SCMH1: variants seen among roughly 807,000 people sequenced by gnomAD.
SCMH1 encodes polycomb protein SCMH1.
A neutral mutation model predicts 70.8 loss-of-function variants in SCMH1; 37 were observed. The observed-to-expected ratio is 0.52, with a 90% CI of 0.40 to 0.69. The LOEUF is 0.69. Among genes scored for constraint, SCMH1 ranks in the 30% least tolerant of loss-of-function variants. The probability of loss-of-function intolerance (pLI) is 0.00; values close to 1 mark genes in which losing one functional copy is unlikely to be tolerated. For synonymous variants in SCMH1, 292 were observed against 307.4 expected, an observed-to-expected ratio of 0.95 and a Z score of 0.52; for missense variants, 607 against 827.3, an observed-to-expected ratio of 0.73 and a Z score of 3.27.
chr1:41,089,522 G>T (rs1234768841), intron 8 of SCMH1, among the ~76,000 whole-genome samples: 1 of 151,994 alleles, frequency 6.6e-6, no homozygotes, highest in East Asian at 1.9e-4. Context: ...CTCTAACCTG[G>T]GTTTTTACAA....
At chr1:41,132,306 G>A (rs1354795310) in intron 6 of SCMH1, among the ~76,000 whole-genome samples, 1 of 152,186 alleles carries the variant, frequency 6.6e-6, no homozygotes, top group African/African-American at 2.4e-5. Flanking sequence ...CAGTGATGAT[G>A]AGCATTTTTT....
chr1:41,207,212 G>A (rs1334826328), intron 1 of SCMH1, among the ~76,000 whole-genome samples: 2 of 152,062 alleles, frequency 1.3e-5, no homozygotes, highest in African/African-American at 4.8e-5. Context: ...ATGTAAATGG[G>A]CTAAATGCCC....
At chr1:41,168,793 C>G (rs1646592304) in intron 2 of SCMH1, among the ~76,000 whole-genome samples, 2 of 152,110 alleles carry the variant, frequency 1.3e-5, no homozygotes, top group South Asian at 2.1e-4. Flanking sequence ...TTAAGGTGCT[C>G]TCTAATCTCT....
intron 8 of SCMH1, among the ~76,000 whole-genome samples, chr1:41,109,600 C>A (rs983557894): frequency 6.6e-6 from 1 of 152,170 alleles, no homozygotes; most frequent in Non-Finnish European, 1.5e-5. Flanking sequence ...TTAGAGGGAA[C>A]AACCTAACTG....
chr1:41,058,088 T>C (rs1224795303), intron 10 of SCMH1, among the ~76,000 whole-genome samples: 15 of 136,376 alleles, frequency 1.1e-4, no homozygotes, highest in Admixed American at 8.2e-4. Context: ...CACACTGCAC[T>C]CCAGCCTGAG....
intron 13 of SCMH1, among the ~76,000 whole-genome samples, chr1:41,029,590 G>A (rs940379579): frequency 6.6e-6 from 1 of 152,118 alleles, no homozygotes; most frequent in South Asian, 2.1e-4. Context: ...CAGATATAAC[G>A]CCTCCTGTTT....
intron 1 of SCMH1, among the ~76,000 whole-genome samples, chr1:41,197,768 A>G (rs1464649214): frequency 6.6e-6 from 1 of 152,154 alleles, no homozygotes; most frequent in African/African-American, 2.4e-5. Context: ...CAAAAGGAAC[A>G]CAAAGAGCTT....
intron 8 of SCMH1, among the ~76,000 whole-genome samples, chr1:41,082,926 T>A (rs914981807): frequency 6.6e-6 from 1 of 152,062 alleles, no homozygotes; most frequent in African/African-American, 2.4e-5. Context: ...ATTCAACAAC[T>A]CTTCATGCTA....
intron 8 of SCMH1, among the ~76,000 whole-genome samples, chr1:41,107,881 G>A (rs574388868): frequency 4.6e-5 from 7 of 152,232 alleles, no homozygotes; most frequent in Admixed American, 1.3e-4. Context: ...GCATAATTTC[G>A]TATGTGGTTT....
intron 2 of SCMH1, among the ~76,000 whole-genome samples, chr1:41,162,562 C>A (rs1646124767): frequency 6.6e-6 from 1 of 152,206 alleles, no homozygotes; most frequent in Non-Finnish European, 1.5e-5. Context: ...GAAGATATGA[C>A]TGAACAATCT....
chr1:41,189,145 G>A (rs1036578408), intron 1 of SCMH1, among the ~76,000 whole-genome samples: 5 of 152,004 alleles, frequency 3.3e-5, no homozygotes, highest in African/African-American at 1.2e-4. Flanking sequence ...AGTTTTTTTT[G>A]TTGTTGTTGT....
intron 10 of SCMH1, among the ~76,000 whole-genome samples, chr1:41,069,294 C>T (rs915096851): frequency 6.6e-6 from 1 of 152,046 alleles, no homozygotes; most frequent in Non-Finnish European, 1.5e-5. Context: ...GAGTTAAATT[C>T]TCATCTTCTA....
intron 8 of SCMH1, among the ~76,000 whole-genome samples, chr1:41,104,576 T>C (rs939973820): frequency 1.3e-5 from 2 of 152,240 alleles, no homozygotes; most frequent in Admixed American, 6.5e-5. Flanking sequence ...TGTATCAAAA[T>C]ATCACAGGTA....
At chr1:41,107,667 G>A (rs1668305109) in intron 8 of SCMH1, among the ~76,000 whole-genome samples, 1 of 152,006 alleles carries the variant, frequency 6.6e-6, no homozygotes, top group South Asian at 2.1e-4. Context: ...CTACAGGTGG[G>A]CACCACCACA....
At position 41,117,159 on chromosome 1, in the gene SCMH1, CTAGA is replaced by C. The variant is rs540070346; in HGVS notation, c.413-153_413-150del. On this transcript the variant is annotated intron_variant, in intron 6 of 14. Coordinates refer to ENST00000337495, the Ensembl canonical transcript of SCMH1. ...AATATATAAAATAAGAATAGTTATA[CTAGA>C]TATAGATCATAGATATGATTATATA... The C allele has an allele frequency of 5.6e-3, 2,495 of 449,358 alleles. 56 individuals are homozygous for C. Among genetic ancestry groups the C allele is most frequent in the African/African-American group, 0.046 (2,262 of 49,504 alleles). The allele number at this position is 449,358 out of a possible 1,614,324, so 27.8% of individuals were successfully genotyped here.
At chr1:41,121,558 T>C (rs912201867) in intron 6 of SCMH1, among the ~76,000 whole-genome samples, 6 of 152,180 alleles carry the variant, frequency 3.9e-5, no homozygotes, top group Non-Finnish European at 8.8e-5. Flanking sequence ...GAGGAAATCC[T>C]AATCTCTAAA....
chr1:41,204,341 A>G (rs529195616), intron 1 of SCMH1, among the ~76,000 whole-genome samples: 5 of 152,252 alleles, frequency 3.3e-5, no homozygotes, highest in Non-Finnish European at 5.9e-5. Context: ...TGTCCTGACT[A>G]TATGTTAAGG....
At chr1:41,210,055 C>A (rs182639111) in intron 1 of SCMH1, among the ~76,000 whole-genome samples, 4 of 152,184 alleles carry the variant, frequency 2.6e-5, no homozygotes, top group African/African-American at 9.6e-5. Flanking sequence ...ACAAGCATTC[C>A]TATATATCAA....
chr1:41,124,460 A>G (rs1672688507), intron 6 of SCMH1, among the ~76,000 whole-genome samples: 1 of 152,148 alleles, frequency 6.6e-6, no homozygotes, highest in African/African-American at 2.4e-5. Context: ...TTCATGTATA[A>G]TAGTCCTGTT....
Sources: gnomAD v4.1 joint callset for allele counts (sites outside exome capture counted in the v4.1 genomes callset) on GRCh38, gnomAD v4.1.1 for gene constraint, MANE v1.5 for transcripts, NCBI Gene and HGNC (gene_info 2026-07-23, HGNC 2026-07-21) for gene names.